Variants in CDH17 observed in about 807,000 individuals in gnomAD.
CDH17 encodes cadherin 17.
Under a neutral mutation model 86.3 loss-of-function variants are expected in CDH17, and 67 were observed. That is an observed-to-expected ratio of 0.78 (90% CI 0.64 to 0.95). The LOEUF (loss-of-function observed/expected upper bound fraction) is 0.95. Ranked by LOEUF, CDH17 falls within the 40% of genes least tolerant of loss-of-function variation. CDH17 has a pLI of 0.00. For synonymous variants in CDH17, 367 were observed against 366.4 expected, an observed-to-expected ratio of 1.00 and a Z score of -0.02; for missense variants, 993 against 1,017.6, an observed-to-expected ratio of 0.98 and a Z score of 0.33.
chr8:94,146,168 C>G lies in CDH17; in HGVS notation c.1928-1G>C. The G allele has an allele frequency of 6.6e-7, 1 of 1,507,890 alleles. No homozygotes were observed. Among genetic ancestry groups the G allele is most frequent in the Non-Finnish European group, 8.9e-7 (1 of 1,128,980 alleles). The allele number at this position is 1,507,890 out of a possible 1,614,324, so 93.4% of individuals were successfully genotyped here. A position where few individuals can be genotyped will look rare whatever the true frequency, so the allele number is the denominator to read the frequency against. ...GACACAGAGCTCAAGGAAGACCCCCCTAAGGAATTGAATGATTGAAACATG... is the reference window on the plus strand; with the variant it reads ...GACACAGAGCTCAAGGAAGACCCCCGTAAGGAATTGAATGATTGAAACATG... On this transcript the variant is annotated splice_acceptor_variant, in intron 14 of 17. Transcript: ENST00000027335. LOFTEE classifies it high-confidence loss of function.
intron 3 of CDH17, among the ~76,000 whole-genome samples, chr8:94,180,842 C>A (rs1056722051): frequency 2.0e-5 from 3 of 151,220 alleles, no homozygotes; most frequent in Non-Finnish European, 4.4e-5. Context: ...TTGCAGTGAG[C>A]TGAGATTGTG....
chr8:94,170,505 G>A lies in CDH17; in HGVS notation c.958C>T (p.Leu320Phe), dbSNP rs750191505. 1.9e-6 allele frequency: 3 copies of A among 1,613,872 alleles called. No individual in the cohort carries two copies. The highest frequency in any genetic ancestry group is 2.2e-5 in the South Asian group (2 of 91,072). ...ACATGAATTTCCAGCGGATATGAAA[G>A]TGGTTTTCCGTACTCATCCTTTGCA... is the stretch of plus-strand genomic sequence containing the variant. ...AVAKDEYGKPLSYPLEIHVKV... is the reference protein window; with the variant it reads ...AVAKDEYGKPFSYPLEIHVKV... The change falls in exon 9 of 18, where the codon CTT (leucine) becomes TTT (phenylalanine). Residue 320 changes from leucine to phenylalanine, a missense_variant. Leu to Phe is a conservative substitution (Grantham distance 22). Coordinates refer to ENST00000027335, the MANE Select transcript of CDH17 (RefSeq NM_004063.4).
chr8:94,146,078 C>A lies in CDH17; in HGVS notation c.2017G>T (p.Gly673Cys), dbSNP rs762464526. 6.2e-7 allele frequency: 1 copy of A among 1,613,572 alleles called. No individual in the cohort carries two copies. The highest frequency in any genetic ancestry group is 8.5e-7 in the Non-Finnish European group (1 of 1,179,786). ...CTGAGGGGATGGCAGAAGAACAAGCCCGTGTAGTCCTTGGCTAGCCTGGGA... is the reference window on the plus strand; with the variant it reads ...CTGAGGGGATGGCAGAAGAACAAGCACGTGTAGTCCTTGGCTAGCCTGGGA... Reference protein sequence around the residue: ...NPPRLAKDYTGLFFCHPLSAP... With the variant: ...NPPRLAKDYTCLFFCHPLSAP... Residue 673 changes from glycine to cysteine, a missense_variant, in exon 15 of 18, where the codon GGC (glycine) becomes TGC (cysteine). By Grantham distance (159) the Gly-to-Cys change is radical. Coordinates refer to ENST00000027335, the MANE Select transcript of CDH17 (RefSeq NM_004063.4).
At chr8:94,209,501 G>A (rs1433003323), upstream of CDH17, among the ~76,000 whole-genome samples, 1 of 152,112 alleles carries the variant, frequency 6.6e-6, no homozygotes, top group Non-Finnish European at 1.5e-5. Flanking sequence ...TCTCTAGAAG[G>A]GCTCCCTCCT....
At chr8:94,140,558 T>A (rs1376921364) in intron 15 of CDH17, among the ~76,000 whole-genome samples, 4 of 151,196 alleles carry the variant, frequency 2.6e-5, no homozygotes, top group African/African-American at 9.7e-5. Flanking sequence ...AAAAACACAG[T>A]GTAGGAAGAA....
intron 1 of CDH17, chr8:94,202,061 C>T (rs190259177): frequency 1.7e-3 from 272 of 163,690 alleles, no homozygotes; most frequent in African/African-American, 6.3e-3. Flanking sequence ...TGTAGTCTTA[C>T]ATTTCTCTTT....
rs763169107 is a variant in CDH17 at position 94,148,868 on chromosome 8, T to C, written c.1803A>G (p.Ser601=). Residue 601 remains serine, a synonymous_variant, in exon 14 of 18, where the codon TCA becomes TCG. Coordinates refer to ENST00000027335, the MANE Select transcript of CDH17 (RefSeq NM_004063.4). ...GCCAACCTCTTGTGTCTCCCCTCAG[T>C]GAATAGCTTCATCAAATGAAAAGAG... is the stretch of plus-strand genomic sequence containing the variant. ...KDPEGLDISY[S]LRGDTRGWLK... The C allele has an allele frequency of 6.2e-7, 1 of 1,604,476 alleles. No homozygotes were observed. Among genetic ancestry groups the C allele is most frequent in the South Asian group, 1.1e-5 (1 of 88,510 alleles).
In CDH17 at chr8:94,194,611, GAGA is replaced by G; in HGVS notation, c.51+21_51+23del. On this transcript the variant is annotated intron_variant, in intron 2 of 17. Transcript: ENST00000027335. ...CAGAAAATATTCTAGTAAACAAATAGAGAAGAACACCCTCTTCTCTTACCAAAT... is the reference window on the plus strand; with the variant it reads ...CAGAAAATATTCTAGTAAACAAATAGAGAACACCCTCTTCTCTTACCAAAT... 2.0e-6 allele frequency: 3 copies of G among 1,519,378 alleles called. No homozygotes were observed. The South Asian group carries it at 3.4e-5, about 17-fold the overall frequency. 94.1% of individuals were successfully genotyped at this position (1,519,378 alleles called of 1,614,324 possible). A position where few individuals can be genotyped will look rare whatever the true frequency, so the allele number is the denominator to read the frequency against.
chr8:94,200,706 G>C (rs1368850437), intron 1 of CDH17, among the ~76,000 whole-genome samples: 1 of 151,582 alleles, frequency 6.6e-6, no homozygotes, highest in Non-Finnish European at 1.5e-5. Flanking sequence ...AGGGCTGCTG[G>C]GCTTGCTCTG....
chr8:94,201,949 C>T, intron 1 of CDH17: 1 of 202,760 alleles, frequency 4.9e-6, no homozygotes, highest in South Asian at 1.1e-4. Context: ...TTCCATTCAC[C>T]AGGGCACACA....
At chr8:94,180,569 T>C (rs963872688) in intron 3 of CDH17, among the ~76,000 whole-genome samples, 28 of 152,078 alleles carry the variant, frequency 1.8e-4, no homozygotes, top group Non-Finnish European at 3.4e-4. Flanking sequence ...TAATTTTCCA[T>C]GGAGATCAGA....
chr8:94,204,370 C>T (rs1027361026), intron 1 of CDH17, among the ~76,000 whole-genome samples: 5 of 152,100 alleles, frequency 3.3e-5, no homozygotes, highest in African/African-American at 1.2e-4. Context: ...ATTGTTAACT[C>T]CCCCTTATGA....
At chr8:94,179,659 A>G (rs1006544412) in intron 3 of CDH17, among the ~76,000 whole-genome samples, 9 of 152,230 alleles carry the variant, frequency 5.9e-5, no homozygotes, top group Admixed American at 5.9e-4. Flanking sequence ...ACATGCACAC[A>G]GTGCCCCTTG....
chr8:94,171,467 T>A (rs568773140), intron 7 of CDH17, among the ~76,000 whole-genome samples: 1 of 152,240 alleles, frequency 6.6e-6, no homozygotes, highest in East Asian at 1.9e-4. Flanking sequence ...ATAAGGACAT[T>A]CCTTTCCTAA....
In CDH17 at chr8:94,127,367, A is replaced by C. The variant is rs1451940135; in HGVS notation, c.*873T>G. The C allele has an allele frequency of 6.6e-6, 1 of 152,272 alleles. No homozygotes were observed. Among genetic ancestry groups the C allele is most frequent in the Non-Finnish European group, 1.5e-5 (1 of 68,042 alleles). 9.4% of individuals were successfully genotyped at this position (152,272 alleles called of 1,614,324 possible). A position where few individuals can be genotyped will look rare whatever the true frequency, so the allele number is the denominator to read the frequency against. On this transcript the variant is annotated 3_prime_UTR_variant, in exon 18 of 18. Coordinates refer to ENST00000027335, the MANE Select transcript of CDH17 (RefSeq NM_004063.4). ...GTTCCTTTACCAAGGTTTGCAGAGT[A>C]GGTTGTGTTTGAACACCTTCTGTGG...
chr8:94,171,115 G>T, intron 7 of CDH17, 130 bp from the exon 8 acceptor site: 2 of 931,318 alleles, frequency 2.1e-6, no homozygotes, highest in Non-Finnish European at 3.1e-6. Flanking sequence ...TGTAACAACT[G>T]AATTACGTTT....
At chr8:94,131,637 C>G (rs537821892) in intron 15 of CDH17, among the ~76,000 whole-genome samples, 1 of 120,474 alleles carries the variant, frequency 8.3e-6, no homozygotes, top group Non-Finnish European at 1.7e-5. Flanking sequence ...TAGTTCAAAG[C>G]CATTTTTTTT....
chr8:94,200,393 C>T (rs1181431267), intron 1 of CDH17, among the ~76,000 whole-genome samples: 1 of 152,040 alleles, frequency 6.6e-6, no homozygotes, highest in Admixed American at 6.5e-5. Flanking sequence ...AATAATTGGC[C>T]AACCGTCTGC....
At position 94,151,866 on chromosome 8, in the gene CDH17, A is replaced by G. The variant is rs776132952; in HGVS notation, c.1796+2T>C. The G allele has an allele frequency of 7.6e-5, 122 of 1,613,842 alleles. 1 individual carries two copies. Among genetic ancestry groups the G allele is most frequent in the South Asian group, 4.2e-4 (38 of 91,070 alleles). On this transcript the variant is annotated splice_donor_variant, in intron 13 of 17. Coordinates refer to ENST00000027335, the MANE Select transcript of CDH17 (RefSeq NM_004063.4). LOFTEE classifies it high-confidence loss of function. Reference sequence around the variant, plus strand: ...GGCCTGCCCAGCACTGTTGCCCTTTACCTTATGTCCAGACCTTCTGGATCC... The same window carrying G: ...GGCCTGCCCAGCACTGTTGCCCTTTGCCTTATGTCCAGACCTTCTGGATCC...
Sources: gnomAD v4.1 joint callset for allele counts (sites outside exome capture counted in the v4.1 genomes callset) on GRCh38, gnomAD v4.1.1 for gene constraint, MANE v1.5 for transcripts, NCBI Gene and HGNC (gene_info 2026-07-23, HGNC 2026-07-21) for gene names.